The following TLE1 variants were observed in gnomAD, a reference collection of about 807,000 sequenced individuals.
TLE1 encodes the protein transducin-like enhancer protein 1.
Under a neutral mutation model 89.8 loss-of-function variants are expected in TLE1, and 21 were observed. That is an observed-to-expected ratio of 0.23 (90% CI 0.17 to 0.34). The LOEUF (loss-of-function observed/expected upper bound fraction) is 0.34. Among genes scored for constraint, TLE1 ranks in the 10% least tolerant of loss-of-function variants. The pLI is 1.00. For synonymous variants in TLE1, 447 were observed against 407.6 expected (o/e 1.10, Z -1.16); for missense variants, 795 against 1,031.2 (o/e 0.77, Z 3.14).
chr9:81,601,264 G>C (rs901121997), intron 14 of TLE1, among the ~76,000 whole-genome samples: 9 of 152,154 alleles, frequency 5.9e-5, no homozygotes, highest in African/African-American at 2.2e-4. Flanking sequence ...ACTTTTTCTT[G>C]GCTAAAAGCC....
At chr9:81,678,756 G>A (rs1014956519) in intron 4 of TLE1, among the ~76,000 whole-genome samples, 2 of 151,824 alleles carry the variant, frequency 1.3e-5, no homozygotes, top group African/African-American at 4.8e-5. Flanking sequence ...CTGTAATCCC[G>A]GCTACTCAGG....
intron 14 of TLE1, among the ~76,000 whole-genome samples, chr9:81,608,678 T>C (rs1304159900): frequency 6.6e-6 from 1 of 152,182 alleles, no homozygotes; most frequent in African/African-American, 2.4e-5. Context: ...GGCTCACGCC[T>C]GTAATCGCAA....
chr9:81,660,628 G>A (rs190491169), intron 4 of TLE1, among the ~76,000 whole-genome samples: 1 of 150,942 alleles, frequency 6.6e-6, no homozygotes, highest in East Asian at 2.0e-4. Context: ...GTGTTAGCCA[G>A]GATGGTCTCC....
chr9:81,652,826 T>C (rs2627005), intron 5 of TLE1, among the ~76,000 whole-genome samples: 32,243 of 152,060 alleles, frequency 0.21, 3,887 homozygotes, highest in South Asian at 0.44. Flanking sequence ...AAAACTTTAA[T>C]ATTAAATCCG....
At chr9:81,686,189 C>T (rs1834256142) in intron 2 of TLE1, among the ~76,000 whole-genome samples, 2 of 152,204 alleles carry the variant, frequency 1.3e-5, no homozygotes, top group South Asian at 4.1e-4. Context: ...CATCTGCTCC[C>T]TACCTTCCTG....
At chr9:81,651,602 A>C (rs1829541415) in intron 6 of TLE1, among the ~76,000 whole-genome samples, 1 of 152,232 alleles carries the variant, frequency 6.6e-6, no homozygotes, top group Non-Finnish European at 1.5e-5. Flanking sequence ...AACAAGAGCC[A>C]ACAGTTCTAT....
intron 6 of TLE1, among the ~76,000 whole-genome samples, chr9:81,641,983 T>C (rs1464172229): frequency 6.6e-6 from 1 of 151,900 alleles, no homozygotes; most frequent in Non-Finnish European, 1.5e-5. Flanking sequence ...GATCGCGCCA[T>C]TGCACTCCAG....
At chr9:81,655,702 GAAA>G (rs1298988168) in intron 4 of TLE1, among the ~76,000 whole-genome samples, 7 of 151,810 alleles carry the variant, frequency 4.6e-5, no homozygotes, top group Non-Finnish European at 8.8e-5. Context: ...AGGATCACAA[GAAA>G]AAAACTTAAA....
chr9:81,680,293 A>ACT (rs1833444993), intron 4 of TLE1, among the ~76,000 whole-genome samples: 1 of 152,006 alleles, frequency 6.6e-6, no homozygotes, highest in South Asian at 2.1e-4. Context: ...GTTCATGGCC[A>ACT]CTCCCCACAG....
At chr9:81,656,730 G>C (rs1354585265) in intron 4 of TLE1, among the ~76,000 whole-genome samples, 1 of 152,096 alleles carries the variant, frequency 6.6e-6, no homozygotes, top group Non-Finnish European at 1.5e-5. Flanking sequence ...AGATTAACAA[G>C]TACCTTGAAA....
chr9:81,650,308 G>A (rs1455200509), intron 6 of TLE1, among the ~76,000 whole-genome samples: 6 of 152,178 alleles, frequency 3.9e-5, no homozygotes, highest in East Asian at 3.9e-4. Flanking sequence ...AGAGCTGGGC[G>A]GTGCCTTTGA....
chr9:81,625,370 T>C lies in TLE1; in HGVS notation c.595-4813A>G, dbSNP rs367649861. Among the ~76,000 whole-genome samples, 10 of 152,320 alleles carry C rather than the reference T, an allele frequency of 6.6e-5. No individual in the cohort carries two copies. In the South Asian group the frequency reaches 2.1e-3, roughly 32 times the overall value. On this transcript the variant is annotated intron_variant, in intron 8 of 19. Coordinates refer to ENST00000376499, the MANE Select transcript of TLE1 (RefSeq NM_005077.5). The stretch of plus-strand genomic sequence containing the variant: ...AAGAAAAGAGGAATGGCAGATCTTC[T>C]GATATTACAGCCTGTGTGCATTCTG...
In TLE1 at chr9:81,607,337, TAC is replaced by T. The variant is rs3063325; in HGVS notation, c.1331+2881_1331+2882del. The stretch of plus-strand genomic sequence containing the variant: ...TCTGTCTTACAACTGACCCTGTTAA[TAC>T]ACACACACACACACACATATAAGGA... On this transcript the variant is annotated intron_variant, in intron 14 of 19. Coordinates refer to ENST00000376499, the MANE Select transcript of TLE1 (RefSeq NM_005077.5). Among the ~76,000 whole-genome samples the T allele has an allele frequency of 2.6e-3, 397 of 150,336 alleles. 1 individual carries two copies. The highest frequency in any genetic ancestry group is 8.8e-3 in the African/African-American group (359 of 40,920).
intron 14 of TLE1, among the ~76,000 whole-genome samples, chr9:81,609,031 A>C (rs764505495): frequency 8.2e-4 from 124 of 152,086 alleles, no homozygotes; most frequent in Non-Finnish European, 1.6e-3. Flanking sequence ...AAAAGAAAAA[A>C]AACAACATTT....
chr9:81,599,811 TA>T (rs1830679717), intron 14 of TLE1: 2 of 340,858 alleles, frequency 5.9e-6, no homozygotes, highest in East Asian at 8.6e-5. Context: ...CGGAGGGCTT[TA>T]TTAACAACTA....
At chr9:81,670,843 G>A (rs1014189273) in intron 4 of TLE1, among the ~76,000 whole-genome samples, 8 of 152,048 alleles carry the variant, frequency 5.3e-5, no homozygotes, top group Non-Finnish European at 7.4e-5. Context: ...GGACCCTTTC[G>A]GTAGGTAAGC....
intron 17 of TLE1, among the ~76,000 whole-genome samples, 165 bp from the exon 18 acceptor site, chr9:81,585,820 G>A (rs1008274283): frequency 6.6e-6 from 1 of 152,274 alleles, no homozygotes; most frequent in African/African-American, 2.4e-5. Context: ...GATGAACCAA[G>A]TGTCAAAACC....
At chr9:81,669,431 G>T (rs765221739) in intron 4 of TLE1, among the ~76,000 whole-genome samples, 1 of 152,212 alleles carries the variant, frequency 6.6e-6, no homozygotes, top group Non-Finnish European at 1.5e-5. Flanking sequence ...CTAAGCCACA[G>T]ACTAATGCTT....
chr9:81,585,696 T>C (rs1359087291), intron 17 of TLE1, 41 bp from the exon 18 acceptor site: 2 of 1,605,572 alleles, frequency 1.2e-6, no homozygotes, highest in African/African-American at 2.7e-5. Context: ...TTCCGCCTGA[T>C]ACACTTAGGA....
Sources: gnomAD v4.1 joint callset for allele counts (sites outside exome capture counted in the v4.1 genomes callset) on GRCh38, gnomAD v4.1.1 for gene constraint, MANE v1.5 for transcripts, NCBI Gene and HGNC (gene_info 2026-07-23, HGNC 2026-07-21) for gene names.